ANKMY1: variants seen among roughly 807,000 people sequenced by gnomAD.
ANKMY1 encodes the protein ankyrin repeat and MYND domain containing 1.
In ANKMY1, 98 loss-of-function variants were observed where a neutral mutation model predicts 102.0. That is an observed-to-expected ratio of 0.96 (90% CI 0.82 to 1.14). ANKMY1 has a LOEUF of 1.14. ANKMY1 is among the 50% of genes most tolerant of loss of function. The pLI is 0.00. For missense variants in ANKMY1, 1,330 were observed against 1,347.6 expected, an observed-to-expected ratio of 0.99 and a Z score of 0.20; for synonymous variants, 582 against 559.9, an observed-to-expected ratio of 1.04 and a Z score of -0.56.
intron 13 of ANKMY1, among the ~76,000 whole-genome samples, 192 bp downstream of exon 13, chr2:240,507,365 GCCC>G (rs1318472322): frequency 1.1e-4 from 4 of 35,562 alleles, no homozygotes; most frequent in African/African-American, 1.7e-4. Context: ...CCAACCTCCC[GCCC>G]CCCCTCACCA....
intron 2 of ANKMY1, 40 bp downstream of exon 2, chr2:240,557,150 A>T (rs7609147): frequency 7.1e-6 from 10 of 1,400,306 alleles, no homozygotes; most frequent in Admixed American, 2.8e-5. Flanking sequence ...CCTGGGCCCC[A>T]GGTCAGGGTC....
intron 4 of ANKMY1, among the ~76,000 whole-genome samples, chr2:240,545,125 G>A (rs1301701344): frequency 6.6e-6 from 1 of 152,240 alleles, no homozygotes; most frequent in Non-Finnish European, 1.5e-5. Flanking sequence ...CAGCTTTGAA[G>A]AGAGCAGTGG....
In ANKMY1 at chr2:240,512,811, C is replaced by T. The variant is rs757516663; in HGVS notation, c.2136G>A (p.Lys712=). Residue 712 remains lysine (K), a synonymous_variant, in exon 10 of 18, where the codon AAG becomes AAA. Transcript: ENST00000401804. ...GTCGCGAGGTACACACCTTGCCGGG[C>T]TTGTAAGTGTCGTCCTCGTCGGATG... ...AKASDEDDTY[K]PGKLDLLPSS... 3.1e-6 allele frequency: 5 copies of T among 1,613,698 alleles called. No homozygotes were observed. Among genetic ancestry groups the T allele is most frequent in the Admixed American group, 3.3e-5 (2 of 59,962 alleles).
intron 15 of ANKMY1, among the ~76,000 whole-genome samples, chr2:240,490,907 C>G (rs887379515): frequency 6.6e-6 from 1 of 152,054 alleles, no homozygotes; most frequent in Non-Finnish European, 1.5e-5. Context: ...AGATAATCTG[C>G]CTAATGCTGA....
chr2:240,511,793 C>A, intron 11 of ANKMY1, 68 bp downstream of exon 11: 1 of 1,491,878 alleles, frequency 6.7e-7, no homozygotes, highest in African/African-American at 1.4e-5. Flanking sequence ...TCCGGGGGCA[C>A]AAGGCCCTGG....
In ANKMY1 at chr2:240,506,718, T is replaced by C. The variant is rs566338469; in HGVS notation, c.2526+842A>G. 1.1e-3 allele frequency among the ~76,000 whole-genome samples: 167 copies of C among 147,134 alleles called. No homozygotes were observed. The highest frequency in any genetic ancestry group is 3.6e-3 in the African/African-American group (143 of 40,174). On this transcript the variant is annotated intron_variant, in intron 13 of 17. Coordinates refer to ENST00000401804, the MANE Select transcript of ANKMY1 (RefSeq NM_001282771.3). This position sits in a 1 kb window ranked among gnomAD's most constrained non-coding sequence, Gnocchi z 4.9. ...GAACCAAAGTGTGTACCAAGATGGA[T>C]TGAGGAAAGCAAGGTCGTGGGTGGT...
chr2:240,538,652 A>G (rs1341850585), intron 4 of ANKMY1, among the ~76,000 whole-genome samples: 2 of 152,108 alleles, frequency 1.3e-5, no homozygotes, highest in Non-Finnish European at 2.9e-5. Context: ...GCTGAGGAGT[A>G]TGGGCGTGCA....
upstream of ANKMY1, among the ~76,000 whole-genome samples, chr2:240,559,749 A>G (rs1311634785): frequency 6.6e-6 from 1 of 152,250 alleles, no homozygotes; most frequent in East Asian, 1.9e-4. Context: ...TTGAGTCTTT[A>G]GCTCAAGAGT....
rs1238183007 is a variant in ANKMY1 at position 240,530,576 on chromosome 2, C to G, written c.481-1067G>C. Among the ~76,000 whole-genome samples, 5 of 152,322 alleles carry G rather than the reference C, an allele frequency of 3.3e-5. No homozygotes were observed. In the East Asian group the frequency reaches 7.7e-4, roughly 23 times the overall value. On this transcript the variant is annotated intron_variant, in intron 4 of 17. Transcript: ENST00000401804. ...CATGCTTCCTGTACAACCTGCAGAA[C>G]CATGAGCCAATCACACCTCTTTTCT...
intron 14 of ANKMY1, 60 bp downstream of exon 14, chr2:240,500,392 C>A (rs78414006): frequency 0.15 from 230,744 of 1,510,008 alleles, 18,943 homozygotes; most frequent in Non-Finnish European, 0.17. Context: ...ATGCCCCAGC[C>A]GGGGGCCCTG....
intron 9 of ANKMY1, among the ~76,000 whole-genome samples, chr2:240,519,019 T>G (rs1332919050): frequency 6.6e-6 from 1 of 152,188 alleles, no homozygotes; most frequent in Non-Finnish European, 1.5e-5. Flanking sequence ...CAACACCCTG[T>G]GAAGAAGGTA....
At chr2:240,480,782 C>T (rs917092563) in intron 17 of ANKMY1, among the ~76,000 whole-genome samples, 155 bp downstream of exon 17, 24 of 152,210 alleles carry the variant, frequency 1.6e-4, no homozygotes, top group African/African-American at 5.8e-4. Context: ...CCCCGATGCC[C>T]ACCTCCCAAC....
chr2:240,496,845 A>C (rs1352438654), intron 15 of ANKMY1, among the ~76,000 whole-genome samples: 2 of 152,246 alleles, frequency 1.3e-5, no homozygotes, highest in Non-Finnish European at 2.9e-5. Context: ...AGCTCATTGA[A>C]GGGATAGTTC....
intron 4 of ANKMY1, among the ~76,000 whole-genome samples, chr2:240,551,044 G>A (rs1488227971): frequency 6.6e-6 from 1 of 152,166 alleles, no homozygotes; most frequent in Non-Finnish European, 1.5e-5. Flanking sequence ...AACTTCCACT[G>A]CACTAATTGG....
At chr2:240,485,619 T>G (rs2151881898) in intron 15 of ANKMY1, among the ~76,000 whole-genome samples, 1 of 152,014 alleles carries the variant, frequency 6.6e-6, no homozygotes, top group African/African-American at 2.4e-5. Flanking sequence ...AGACAGGTTC[T>G]CACCTTGTCA....
chr2:240,529,517 G>A lies in ANKMY1; in HGVS notation c.481-8C>T, dbSNP rs1575191182. 6.2e-7 allele frequency: 1 copy of A among 1,606,192 alleles called. No homozygotes were observed. The highest frequency in any genetic ancestry group is 8.5e-7 in the Non-Finnish European group (1 of 1,175,572). ...GTCCGCTTTGTATAGCCCCTGCCAA[G>A]GAAGCGCAATAGACCGAGGAGAGAT... On this transcript the variant is annotated splice_region_variant and splice_polypyrimidine_tract_variant and intron_variant, in intron 4 of 17. Coordinates refer to ENST00000401804, the MANE Select transcript of ANKMY1 (RefSeq NM_001282771.3). This position sits in a 1 kb window ranked among gnomAD's most constrained non-coding sequence, Gnocchi z 4.2.
At chr2:240,497,173 C>G (rs868401026) in intron 15 of ANKMY1, among the ~76,000 whole-genome samples, 1 of 147,724 alleles carries the variant, frequency 6.8e-6, no homozygotes, top group African/African-American at 2.5e-5. Context: ...GGAAGCTGAG[C>G]ATAAGAATGG....
chr2:240,559,279 G>A (rs2092731858), upstream of ANKMY1, among the ~76,000 whole-genome samples: 2 of 152,220 alleles, frequency 1.3e-5, no homozygotes. Context: ...GGGTGATGAT[G>A]ATTCATGAAA....
At chr2:240,471,117 A>AG in the ANKMY1 span, among the ~76,000 whole-genome samples, 1 of 151,514 alleles carries the variant, frequency 6.6e-6, no homozygotes, top group East Asian at 1.9e-4. Context: ...GGCAGGAAAA[A>AG]AAAAATCCTC....
Sources: allele counts gnomAD v4.1 joint callset (sites outside exome capture counted in the v4.1 genomes callset), GRCh38; gene constraint gnomAD v4.1.1; non-coding constraint Gnocchi (gnomAD v3.1); transcripts MANE v1.5; gene names NCBI Gene and HGNC (gene_info 2026-07-23, HGNC 2026-07-21).